Variants in SPI1 observed in about 807,000 individuals in gnomAD.
The protein encoded by SPI1 is transcription factor PU.1.
A neutral mutation model predicts 30.7 loss-of-function variants in SPI1; 3 were observed. The ratio of observed to expected loss-of-function variants is 0.10; its 90% CI spans 0.04 to 0.25. SPI1 has a LOEUF of 0.25. SPI1 is among the 10% of genes least tolerant of loss of function. SPI1 has a pLI of 1.00. For synonymous variants in SPI1, 169 were observed against 157.1 expected (o/e 1.08, Z -0.56); for missense variants, 261 against 371.5 (o/e 0.70, Z 2.45).
chr11:47,358,018 C>T (rs1297149236), intron 4 of SPI1, among the ~76,000 whole-genome samples: 8 of 152,060 alleles, frequency 5.3e-5, no homozygotes, highest in African/African-American at 2.4e-5. Flanking sequence ...GGAACACACA[C>T]ATGCTTACAC....
chr11:47,377,246 C>T (rs1391717185), intron 1 of SPI1, among the ~76,000 whole-genome samples: 1 of 152,164 alleles, frequency 6.6e-6, no homozygotes, highest in Non-Finnish European at 1.5e-5. Flanking sequence ...GATGTCAGGC[C>T]TGGGGTGCCT....
Position 47,374,484 on chromosome 11 carries a change from C to T in SPI1, c.142+1149G>A, listed in dbSNP as rs1565645001. Among the ~76,000 whole-genome samples, 1 of 152,144 alleles carries T rather than the reference C, an allele frequency of 6.6e-6. No individual in the cohort carries two copies. The highest frequency in any genetic ancestry group is 1.5e-5 in the Non-Finnish European group (1 of 68,030). Reference sequence around the variant, plus strand: ...AGGCACATGTGGATCCCTAGCTGGGCCCATCAGGTTTAGACCGCCACAGGT... The same window carrying T: ...AGGCACATGTGGATCCCTAGCTGGGTCCATCAGGTTTAGACCGCCACAGGT... On this transcript the variant is annotated intron_variant, in intron 2 of 4. Coordinates refer to ENST00000378538, the MANE Select transcript of SPI1 (RefSeq NM_003120.3). This position sits in a 1 kb window ranked among gnomAD's most constrained non-coding sequence, Gnocchi z 4.5.
chr11:47,357,127 AC>A (rs2095911969), intron 4 of SPI1, among the ~76,000 whole-genome samples: 1 of 146,244 alleles, frequency 6.8e-6, no homozygotes, highest in South Asian at 2.2e-4. Context: ...ACATGCTCAC[AC>A]CTCACACATG....
chr11:47,357,228 C>T (rs908394227), intron 4 of SPI1, among the ~76,000 whole-genome samples: 6 of 151,534 alleles, frequency 4.0e-5, no homozygotes, highest in African/African-American at 9.7e-5. Flanking sequence ...CATGCTCACA[C>T]ATATGCTCAC....
chr11:47,354,967 C>G lies in SPI1; in HGVS notation c.*260G>C, dbSNP rs1419870334. On this transcript the variant is annotated 3_prime_UTR_variant, in exon 5 of 5. Transcript: ENST00000378538. The stretch of plus-strand genomic sequence containing the variant: ...GACTTGAGACTCCCAAGGCAGTACC[C>G]CGGGTCGTCCTCTGCAAGGTTGCCC... 6.2e-6 allele frequency: 2 copies of G among 323,228 alleles called. No homozygotes were observed. The allele number at this position is 323,228 out of a possible 1,614,324, so 20.0% of individuals were successfully genotyped here.
At chr11:47,362,791 G>T (rs1410059136) in intron 2 of SPI1, among the ~76,000 whole-genome samples, 1 of 151,716 alleles carries the variant, frequency 6.6e-6, no homozygotes, top group Non-Finnish European at 1.5e-5. Context: ...GGCCAGGCTG[G>T]TCTTGATCTC....
At chr11:47,368,008 C>T (rs990508278) in intron 2 of SPI1, among the ~76,000 whole-genome samples, 3 of 152,038 alleles carry the variant, frequency 2.0e-5, no homozygotes, top group African/African-American at 7.2e-5. Flanking sequence ...CTGCCTCAGC[C>T]TCCCAAAGAG....
At chr11:47,366,909 TTGG>T (rs2095929131) in intron 2 of SPI1, among the ~76,000 whole-genome samples, 1 of 152,220 alleles carries the variant, frequency 6.6e-6, no homozygotes, top group Non-Finnish European at 1.5e-5. Flanking sequence ...ACTCTCTACC[TTGG>T]ATTCTAATTA....
intron 4 of SPI1, among the ~76,000 whole-genome samples, chr11:47,356,932 A>T (rs1394576471): frequency 1.3e-5 from 2 of 148,678 alleles, no homozygotes; most frequent in East Asian, 4.1e-4. Flanking sequence ...ACCTCACACC[A>T]TTCACTCACG....
chr11:47,376,435 C>T lies in SPI1; in HGVS notation c.46-706G>A, dbSNP rs552002915. Among the ~76,000 whole-genome samples, 3 of 152,250 alleles carry T rather than the reference C, an allele frequency of 2.0e-5. No individual in the cohort carries two copies. The East Asian group carries it at 5.8e-4, about 29-fold the overall frequency. On this transcript the variant is annotated intron_variant, in intron 1 of 4. Transcript: ENST00000378538. ...GCAAGAGTGGCACCACAATGACCCTCCACACTGACGGTTGGTGCAGGGGTC... is the reference window on the plus strand; with the variant it reads ...GCAAGAGTGGCACCACAATGACCCTTCACACTGACGGTTGGTGCAGGGGTC...
In SPI1 at chr11:47,355,258, C is replaced by G; in HGVS notation, c.782G>C (p.Gly261Ala). ...GGGCGGGTGGCGCCGCTCGGCCAGGCCCCCGCGGCCCAGCACTTCGCCGCT... is the reference window on the plus strand; with the variant it reads ...GGGCGGGTGGCGCCGCTCGGCCAGGGCCCCGCGGCCCAGCACTTCGCCGCT... ...QFSGEVLGRG[G>A]LAERRHPPH The change falls in exon 5 of 5, where the codon GGC becomes GCC. Residue 261 changes from glycine to alanine, a missense_variant. Physicochemically the swap from Gly to Ala is moderately conservative, Grantham distance 60. Coordinates refer to ENST00000378538, the MANE Select transcript of SPI1 (RefSeq NM_003120.3). 2 of 1,485,040 alleles carry G rather than the reference C, an allele frequency of 1.3e-6. No homozygotes were observed. Among genetic ancestry groups the G allele is most frequent in the Non-Finnish European group, 1.8e-6 (2 of 1,119,362 alleles). 92.0% of individuals were successfully genotyped at this position (1,485,040 alleles called of 1,614,324 possible). A position where few individuals can be genotyped will look rare whatever the true frequency, so the allele number is the denominator to read the frequency against.
At chr11:47,366,816 T>C (rs1042571797) in intron 2 of SPI1, among the ~76,000 whole-genome samples, 1 of 87,804 alleles carries the variant, frequency 1.1e-5, no homozygotes, top group Non-Finnish European at 2.3e-5. Context: ...AGTGGAACGC[T>C]GTCTCAAAAA....
In SPI1 at chr11:47,378,292, G is replaced by A. The variant is rs2095945048; in HGVS notation, c.45+17C>T. 1 of 1,613,118 alleles carries A rather than the reference G, an allele frequency of 6.2e-7. No individual in the cohort carries two copies. Among genetic ancestry groups the A allele is most frequent in the Admixed American group, 1.7e-5 (1 of 59,920 alleles). On this transcript the variant is annotated intron_variant, in intron 1 of 4. Transcript: ENST00000378538. Reference sequence around the variant, plus strand: ...GAGGGCCACGGGTTGGGCTGGTGGAGGAGTCCCGGTACTCACAGGGGGGAC... The same window carrying A: ...GAGGGCCACGGGTTGGGCTGGTGGAAGAGTCCCGGTACTCACAGGGGGGAC...
chr11:47,370,474 C>T (rs1452718396), intron 2 of SPI1, among the ~76,000 whole-genome samples: 2 of 150,690 alleles, frequency 1.3e-5, no homozygotes, highest in African/African-American at 2.4e-5. Context: ...GAGTCCGAGG[C>T]GGGCAGATCA....
intron 4 of SPI1, among the ~76,000 whole-genome samples, chr11:47,357,078 CTT>C (rs963971603): frequency 2.0e-5 from 3 of 151,344 alleles, no homozygotes; most frequent in African/African-American, 7.3e-5. Flanking sequence ...CATGCTAACA[CTT>C]CACACATGCT....
chr11:47,372,726 A>G (rs553931220), intron 2 of SPI1, among the ~76,000 whole-genome samples: 1 of 152,120 alleles, frequency 6.6e-6, no homozygotes, highest in Admixed American at 6.6e-5. Context: ...TCCTGCCTTG[A>G]GGAATGCAGT....
Position 47,359,058 on chromosome 11 carries a change from A to AG in SPI1, c.331-53dup. 1 of 1,485,240 alleles carries AG rather than the reference A, an allele frequency of 6.7e-7. No homozygotes were observed. The highest frequency in any genetic ancestry group is 1.4e-5 in the South Asian group (1 of 71,842). 92.0% of individuals were successfully genotyped at this position (1,485,240 alleles called of 1,614,324 possible). A position where few individuals can be genotyped will look rare whatever the true frequency, so the allele number is the denominator to read the frequency against. On this transcript the variant is annotated intron_variant, in intron 3 of 4. Transcript: ENST00000378538. The surrounding 1 kb of genome is among the most constrained non-coding windows in gnomAD (Gnocchi z 5.1). ...GTCAGGAAGGGCCAGCTTACAGCTC[A>AG]GGGGGGCTGGGAGGGAGGTCAGCTG...
chr11:47,356,923 CCTCA>C (rs1565636101), intron 4 of SPI1, among the ~76,000 whole-genome samples: 4 of 137,908 alleles, frequency 2.9e-5, no homozygotes, highest in East Asian at 2.2e-4. Context: ...TGCTCACACA[CCTCA>C]CACCATTCAC....
chr11:47,359,064 G>T lies in SPI1; in HGVS notation c.331-58C>A, dbSNP rs2095916783. 4.1e-6 allele frequency: 6 copies of T among 1,473,268 alleles called. No homozygotes were observed. In the Admixed American group the frequency reaches 1.3e-4, roughly 31 times the overall value. 91.3% of individuals were successfully genotyped at this position (1,473,268 alleles called of 1,614,324 possible). Reference sequence around the variant, plus strand: ...AAGGGCCAGCTTACAGCTCAGGGGGGCTGGGAGGGAGGTCAGCTGGGGAGA... The same window carrying T: ...AAGGGCCAGCTTACAGCTCAGGGGGTCTGGGAGGGAGGTCAGCTGGGGAGA... On this transcript the variant is annotated intron_variant, in intron 3 of 4. Transcript: ENST00000378538. This position sits in a 1 kb window ranked among gnomAD's most constrained non-coding sequence, Gnocchi z 5.1.
Sources: gnomAD v4.1 joint callset for allele counts (sites outside exome capture counted in the v4.1 genomes callset) on GRCh38, gnomAD v4.1.1 for gene constraint, Gnocchi (gnomAD v3.1) non-coding constraint, MANE v1.5 for transcripts, NCBI Gene and HGNC (gene_info 2026-07-23, HGNC 2026-07-21) for gene names.